Variants in PREX2 observed in about 807,000 individuals in gnomAD.
The protein encoded by PREX2 is phosphatidylinositol-3,4,5-trisphosphate dependent Rac exchange factor 2.
A neutral mutation model predicts 203.2 loss-of-function variants in PREX2; 107 were observed. That is an observed-to-expected ratio of 0.53 (90% CI 0.45 to 0.62). The LOEUF (loss-of-function observed/expected upper bound fraction) is 0.62. Among genes scored for constraint, PREX2 ranks in the 20% least tolerant of loss-of-function variants. The pLI, the probability that PREX2 is intolerant of heterozygous loss-of-function variation, is 0.00. For missense variants in PREX2, 1,777 were observed against 1,955.9 expected, an observed-to-expected ratio of 0.91 and a Z score of 1.72; for synonymous variants, 672 against 663.6, an observed-to-expected ratio of 1.01 and a Z score of -0.19.
At chr8:68,082,985 A>G (rs1055899428) in intron 17 of PREX2, 2 of 342,178 alleles carry the variant, frequency 5.8e-6, no homozygotes, top group Non-Finnish European at 1.1e-5. Flanking sequence ...AGAAGAGGGG[A>G]GTAGGATGTT....
Position 67,987,654 on chromosome 8 carries a change from C to G in PREX2, c.142-30192C>G, listed in dbSNP as rs75876574. 4.0e-3 allele frequency among the ~76,000 whole-genome samples: 615 copies of G among 152,350 alleles called. 4 individuals are homozygous for G. The highest frequency in any genetic ancestry group is 0.014 in the African/African-American group (586 of 41,572). ...GATCTGGTAGCTTCTGCCTCTGGAT[C>G]TGGCCTCAAGTGGTTCCCTTTGCTA... On this transcript the variant is annotated intron_variant, in intron 1 of 39. Transcript: ENST00000288368.
chr8:68,163,865 C>T (rs574460379), intron 35 of PREX2, among the ~76,000 whole-genome samples: 66 of 152,252 alleles, frequency 4.3e-4, no homozygotes, highest in African/African-American at 1.4e-3. Context: ...TTATTGTAAA[C>T]AATAGCCCTC....
chr8:68,007,535 A>T (rs1034352725), intron 1 of PREX2, among the ~76,000 whole-genome samples: 4 of 146,072 alleles, frequency 2.7e-5, no homozygotes, highest in African/African-American at 8.1e-5. Context: ...AGCATTGAAG[A>T]AGTATATTTG....
chr8:68,109,142 G>T, intron 24 of PREX2: 1 of 463,376 alleles, frequency 2.2e-6, no homozygotes, highest in East Asian at 4.4e-5. Flanking sequence ...ATAACATGCT[G>T]AGTATAGTTA....
At chr8:68,046,390 T>G (rs1235495021) in intron 8 of PREX2, among the ~76,000 whole-genome samples, 1 of 152,076 alleles carries the variant, frequency 6.6e-6, no homozygotes, top group African/African-American at 2.4e-5. Context: ...TGTCTTCCCG[T>G]GTATCTGGGC....
intron 1 of PREX2, among the ~76,000 whole-genome samples, chr8:68,004,531 T>C (rs1807035880): frequency 6.6e-6 from 1 of 152,204 alleles, no homozygotes; most frequent in Admixed American, 6.5e-5. Flanking sequence ...TCTTGAAAAA[T>C]CAAAACTGTT....
chr8:68,230,065 G>T lies in PREX2; in HGVS notation c.4776-1268G>T, dbSNP rs1211959099. On this transcript the variant is annotated intron_variant, in intron 39 of 39. Transcript: ENST00000288368. ...CATGTAGTGCATCAACCACCTTCCGGACTTGAAATACGTTTTGCAAACCTC... is the reference window on the plus strand; with the variant it reads ...CATGTAGTGCATCAACCACCTTCCGTACTTGAAATACGTTTTGCAAACCTC... Among the ~76,000 whole-genome samples the T allele has an allele frequency of 2.0e-5, 3 of 152,100 alleles. No individual in the cohort carries two copies. The South Asian group carries it at 6.2e-4, about 32-fold the overall frequency.
At chr8:68,005,734 T>C (rs761624625) in intron 1 of PREX2, among the ~76,000 whole-genome samples, 4 of 152,208 alleles carry the variant, frequency 2.6e-5, no homozygotes, top group East Asian at 1.9e-4. Flanking sequence ...TCGTAGTATG[T>C]ACCACCATCT....
At chr8:68,071,264 TA>T (rs1809187515) in intron 13 of PREX2, among the ~76,000 whole-genome samples, 1 of 152,102 alleles carries the variant, frequency 6.6e-6, no homozygotes, top group Non-Finnish European at 1.5e-5. Flanking sequence ...GAAAAAACCA[TA>T]AAACAGAAGG....
At chr8:68,104,700 C>T (rs965197194) in intron 23 of PREX2, among the ~76,000 whole-genome samples, 9 of 152,236 alleles carry the variant, frequency 5.9e-5, no homozygotes, top group Non-Finnish European at 8.8e-5. Flanking sequence ...GACCTCTCCT[C>T]TCACTGGAAT....
intron 34 of PREX2, among the ~76,000 whole-genome samples, chr8:68,147,018 A>T (rs1811341734): frequency 1.3e-5 from 2 of 152,166 alleles, no homozygotes; most frequent in Non-Finnish European, 2.9e-5. Flanking sequence ...TGCTACCTAA[A>T]AAAGATCAGA....
intron 37 of PREX2, among the ~76,000 whole-genome samples, chr8:68,204,058 A>G (rs1237035683): frequency 6.6e-6 from 1 of 152,006 alleles, no homozygotes; most frequent in Non-Finnish European, 1.5e-5. Flanking sequence ...CCAAAATAGA[A>G]ATGAAATAAA....
chr8:67,954,538 G>T (rs1456612283), intron 1 of PREX2, among the ~76,000 whole-genome samples: 1 of 152,138 alleles, frequency 6.6e-6, no homozygotes, highest in African/African-American at 2.4e-5. Context: ...CTTTGGCCTG[G>T]TAATTCCTCT....
At chr8:68,033,913 C>T (rs1453649313) in intron 6 of PREX2, among the ~76,000 whole-genome samples, 4 of 152,160 alleles carry the variant, frequency 2.6e-5, no homozygotes, top group East Asian at 1.9e-4. Flanking sequence ...TTAACCTACA[C>T]GAGTTCTTAT....
chr8:68,170,654 A>T (rs1261218368), intron 35 of PREX2, among the ~76,000 whole-genome samples: 1 of 152,210 alleles, frequency 6.6e-6, no homozygotes, highest in Non-Finnish European at 1.5e-5. Context: ...GAGTAACAGC[A>T]TGTAAAGTGT....
At chr8:68,147,027 G>A (rs1043329295) in intron 34 of PREX2, among the ~76,000 whole-genome samples, 1 of 152,096 alleles carries the variant, frequency 6.6e-6, no homozygotes, top group Non-Finnish European at 1.5e-5. Context: ...AAAAAGATCA[G>A]AAGTCTTGAT....
intron 11 of PREX2, among the ~76,000 whole-genome samples, chr8:68,066,856 T>C (rs941973343): frequency 1.3e-5 from 2 of 152,136 alleles, no homozygotes; most frequent in Non-Finnish European, 2.9e-5. Context: ...AGTTTTATAG[T>C]GTTACATCAT....
Position 68,236,856 on chromosome 8 carries a change from TC to T in PREX2, c.*5480del, listed in dbSNP as rs1813275715. Reference sequence around the variant, plus strand: ...TGTTATTATAAAAGTCATCTTTTTTTCCTTTGTAAAATATCCATGTAACATA... The same window carrying T: ...TGTTATTATAAAAGTCATCTTTTTTTCTTTGTAAAATATCCATGTAACATA... On this transcript the variant is annotated 3_prime_UTR_variant, in exon 40 of 40. Transcript: ENST00000288368. 6.6e-6 allele frequency: 1 copy of T among 152,142 alleles called. No individual in the cohort carries two copies. Among genetic ancestry groups the T allele is most frequent in the Non-Finnish European group, 1.5e-5 (1 of 67,980 alleles). 9.4% of individuals were successfully genotyped at this position (152,142 alleles called of 1,614,324 possible). A position where few individuals can be genotyped will look rare whatever the true frequency, so the allele number is the denominator to read the frequency against.
rs1807450975 is a variant in PREX2, at chr8:68,017,895, A to C, written c.191A>C (p.Asn64Thr). The change falls in exon 2 of 40, where the codon AAT (asparagine) becomes ACT (threonine). Residue 64 changes from asparagine (N) to threonine (T), a missense_variant. Physicochemically the swap from Asn to Thr is moderately conservative, Grantham distance 65. Coordinates refer to ENST00000288368, the MANE Select transcript of PREX2 (RefSeq NM_024870.4). ...TGTGCAGCATCAAAAGTTGACAAAA[A>C]TGTGACAGAAGAAACAGTGAAGGTG... ...NQCAASKVDK[N>T]VTEETVKMLF... 1 of 1,612,540 alleles carries C rather than the reference A, an allele frequency of 6.2e-7. No individual in the cohort carries two copies. Among genetic ancestry groups the C allele is most frequent in the Admixed American group, 1.7e-5 (1 of 60,000 alleles).
Sources: gnomAD v4.1 joint callset for allele counts (sites outside exome capture counted in the v4.1 genomes callset) on GRCh38, gnomAD v4.1.1 for gene constraint, MANE v1.5 for transcripts, NCBI Gene and HGNC (gene_info 2026-07-23, HGNC 2026-07-21) for gene names.